Variants in KCNAB1 observed in about 807,000 individuals in gnomAD.
KCNAB1 encodes the protein potassium voltage-gated channel subfamily A regulatory beta subunit 1, also known as voltage-gated potassium channel subunit beta-1.
A neutral mutation model predicts 64.6 loss-of-function variants in KCNAB1; 35 were observed. The ratio of observed to expected loss-of-function variants is 0.54; its 90% CI spans 0.41 to 0.72. The LOEUF is 0.72. KCNAB1 is among the 30% of genes least tolerant of loss of function. The probability of loss-of-function intolerance (pLI) is 0.00; values close to 1 mark genes in which losing one functional copy is unlikely to be tolerated. For missense variants in KCNAB1, 401 were observed against 512.9 expected, an observed-to-expected ratio of 0.78 and a Z score of 2.11; for synonymous variants, 177 against 183.8, an observed-to-expected ratio of 0.96 and a Z score of 0.30.
intron 1 of KCNAB1, among the ~76,000 whole-genome samples, chr3:156,178,018 G>A (rs559646371): frequency 1.3e-3 from 195 of 152,280 alleles, no homozygotes; most frequent in African/African-American, 4.5e-3. Flanking sequence ...TTACAGGTGT[G>A]AGCCACCGCA....
chr3:156,421,233 G>C (rs1715445968), intron 1 of KCNAB1, among the ~76,000 whole-genome samples: 1 of 152,224 alleles, frequency 6.6e-6, no homozygotes, highest in South Asian at 2.1e-4. Flanking sequence ...TGAGGAAGTA[G>C]TGAGAAGTGG....
intron 1 of KCNAB1, among the ~76,000 whole-genome samples, chr3:156,219,486 A>G (rs898869791): frequency 6.6e-6 from 1 of 152,068 alleles, no homozygotes; most frequent in African/African-American, 2.4e-5. Context: ...CCTAAGAATA[A>G]TTGGTGTTCC....
intron 1 of KCNAB1, among the ~76,000 whole-genome samples, chr3:156,163,657 CA>C (rs1463902886): frequency 6.6e-6 from 1 of 152,188 alleles, no homozygotes; most frequent in Non-Finnish European, 1.5e-5. Context: ...TAAATTTCTG[CA>C]ATGAGCACAT....
chr3:156,248,654 G>A (rs1338820158), intron 1 of KCNAB1, among the ~76,000 whole-genome samples: 1 of 152,018 alleles, frequency 6.6e-6, no homozygotes, highest in Non-Finnish European at 1.5e-5. Context: ...AATGACAATG[G>A]AGGCCCATGG....
chr3:156,171,643 C>T (rs1299295489), intron 1 of KCNAB1, among the ~76,000 whole-genome samples: 1 of 152,158 alleles, frequency 6.6e-6, no homozygotes, highest in East Asian at 1.9e-4. Flanking sequence ...AAGCCAATTG[C>T]AAGAAAGAGT....
At chr3:156,366,988 A>T (rs1725982853) in intron 1 of KCNAB1, among the ~76,000 whole-genome samples, 1 of 152,188 alleles carries the variant, frequency 6.6e-6, no homozygotes, top group South Asian at 2.1e-4. Context: ...AAAAACCTGC[A>T]CTAAAAGCAG....
At chr3:156,217,882 G>A (rs1237618658) in intron 1 of KCNAB1, 1 of 152,212 alleles carries the variant, frequency 6.6e-6, no homozygotes, top group East Asian at 1.9e-4. Flanking sequence ...GCAAATAGGA[G>A]GCAGGACTAG....
rs780155344 is a variant in KCNAB1 at position 156,383,012 on chromosome 3, G to A, written c.276-38604G>A. ...AGATGATCTTTCGGGTGCTTTCTAC[G>A]TCTGAACTTTGTTGGTTCTGTAAAC... On this transcript the variant is annotated intron_variant, in intron 1 of 13. Transcript: ENST00000490337. Among the ~76,000 whole-genome samples, 59 of 152,146 alleles carry A rather than the reference G, an allele frequency of 3.9e-4. 1 individual carries two copies. Among genetic ancestry groups the A allele is most frequent in the Admixed American group, 2.9e-3 (44 of 15,280 alleles).
At chr3:156,313,262 T>C (rs1054397374) in intron 1 of KCNAB1, among the ~76,000 whole-genome samples, 2 of 152,198 alleles carry the variant, frequency 1.3e-5, no homozygotes, top group African/African-American at 4.8e-5. Context: ...AAAATCCAAG[T>C]GTTCTGAAAA....
rs1052658713 is a variant in KCNAB1, at chr3:156,171,735, G to A, written c.275+50849G>A. 6.6e-5 allele frequency among the ~76,000 whole-genome samples: 10 copies of A among 152,174 alleles called. No homozygotes were observed. In the South Asian group the frequency reaches 2.1e-3, roughly 32 times the overall value. ...CCTACGCCCTCCAGAGAGTTAAAAC[G>A]CTACATGGCCTCTAATCTCTAAGTA... On this transcript the variant is annotated intron_variant, in intron 1 of 13. Coordinates refer to ENST00000490337, the MANE Select transcript of KCNAB1 (RefSeq NM_172160.3).
chr3:156,527,916 A>G (rs1350900530), intron 12 of KCNAB1, among the ~76,000 whole-genome samples: 1 of 152,132 alleles, frequency 6.6e-6, no homozygotes, highest in African/African-American at 2.4e-5. Flanking sequence ...GTGAACAGGC[A>G]CTCTGGACAT....
At chr3:156,489,706 C>T (rs1321026084) in intron 8 of KCNAB1, among the ~76,000 whole-genome samples, 2 of 152,094 alleles carry the variant, frequency 1.3e-5, no homozygotes, top group East Asian at 3.9e-4. Context: ...ATAGAAACTT[C>T]ATTTCTCATG....
intron 1 of KCNAB1, among the ~76,000 whole-genome samples, chr3:156,405,851 T>C (rs1013416923): frequency 2.0e-5 from 3 of 152,274 alleles, no homozygotes; most frequent in African/African-American, 7.2e-5. Context: ...AAATAACTAC[T>C]ATGATCCATA....
chr3:156,483,374 G>A (rs1417936322), intron 8 of KCNAB1, among the ~76,000 whole-genome samples: 2 of 152,048 alleles, frequency 1.3e-5, no homozygotes, highest in African/African-American at 4.8e-5. Flanking sequence ...GAAGACTTAA[G>A]TTCTCATATT....
chr3:156,516,364 G>A lies in KCNAB1; in HGVS notation c.960G>A (p.Lys320=). ...CTGAAAGTTCCAGGGCTTCACTGAA[G>A]GTATTTTTCTCAATGTCTAGAAAAA... The part of the protein sequence containing the change: ...GVPESSRASL[K]CYQWLKERIV... The change falls in exon 11 of 14, where the codon AAG becomes AAA. Residue 320 remains lysine, a splice_region_variant and synonymous_variant. Coordinates refer to ENST00000490337, the MANE Select transcript of KCNAB1 (RefSeq NM_172160.3). 1 of 1,607,152 alleles carries A rather than the reference G, an allele frequency of 6.2e-7. No homozygotes were observed. The highest frequency in any genetic ancestry group is 8.5e-7 in the Non-Finnish European group (1 of 1,173,640).
At position 156,463,692 on chromosome 3, in the gene KCNAB1, T is replaced by C; in HGVS notation, c.483-10T>C. The C allele has an allele frequency of 6.3e-7, 1 of 1,595,208 alleles. No homozygotes were observed. The highest frequency in any genetic ancestry group is 2.3e-5 in the East Asian group (1 of 44,434). On this transcript the variant is annotated splice_polypyrimidine_tract_variant and intron_variant, in intron 5 of 13. Coordinates refer to ENST00000490337, the MANE Select transcript of KCNAB1 (RefSeq NM_172160.3). ...TACTACTTCTCTGTGTTTGTCTTTTTGATATACAGGAGGTCCAGTCTGGTC... is the reference window on the plus strand; with the variant it reads ...TACTACTTCTCTGTGTTTGTCTTTTCGATATACAGGAGGTCCAGTCTGGTC...
intron 3 of KCNAB1, among the ~76,000 whole-genome samples, chr3:156,455,032 G>T (rs1400212391): frequency 1.3e-5 from 2 of 152,130 alleles, no homozygotes; most frequent in Non-Finnish European, 2.9e-5. Flanking sequence ...AATAGCTATT[G>T]TACTTCCAGA....
chr3:156,494,177 A>G (rs1206575115), intron 8 of KCNAB1, among the ~76,000 whole-genome samples: 1 of 152,136 alleles, frequency 6.6e-6, no homozygotes, highest in Admixed American at 6.5e-5. Flanking sequence ...GCAGATTGGC[A>G]TTCTGCTGTA....
At chr3:156,342,437 T>A (rs1724182562) in intron 1 of KCNAB1, among the ~76,000 whole-genome samples, 1 of 152,060 alleles carries the variant, frequency 6.6e-6, no homozygotes, top group African/African-American at 2.4e-5. Context: ...ACCATATAGT[T>A]CCCAATACAA....
Sources: allele counts gnomAD v4.1 joint callset (sites outside exome capture counted in the v4.1 genomes callset), GRCh38; gene constraint gnomAD v4.1.1; transcripts MANE v1.5; gene names NCBI Gene and HGNC (gene_info 2026-07-23, HGNC 2026-07-21).